ROBO2: variants seen among roughly 807,000 people sequenced by gnomAD.
The protein encoded by ROBO2 is roundabout guidance receptor 2, also known as roundabout homolog 2.
In ROBO2, 53 loss-of-function variants were observed where a neutral mutation model predicts 160.8. The observed-to-expected ratio is 0.33, with a 90% CI of 0.26 to 0.41. The LOEUF (loss-of-function observed/expected upper bound fraction) is 0.41, where lower values mean the gene tolerates loss of function less well. ROBO2 is among the 10% of genes least tolerant of loss of function. The pLI, the probability that ROBO2 is intolerant of heterozygous loss-of-function variation, is 1.00. For missense variants in ROBO2, 1,577 were observed against 1,722.4 expected (o/e 0.92, Z 1.49); for synonymous variants, 664 against 611.7 (o/e 1.09, Z -1.26).
At chr3:76,249,394 G>A (rs1705841556) in intron 2 of ROBO2, among the ~76,000 whole-genome samples, 1 of 152,072 alleles carries the variant, frequency 6.6e-6, no homozygotes, top group African/African-American at 2.4e-5. Flanking sequence ...GCAAAGTAAA[G>A]ATTTTAAATA....
At chr3:77,298,064 CAAT>C (rs1281126213) in intron 2 of ROBO2, among the ~76,000 whole-genome samples, 1 of 152,114 alleles carries the variant, frequency 6.6e-6, no homozygotes, top group African/African-American at 2.4e-5. Flanking sequence ...CCTCAGCCAA[CAAT>C]GAGTGTCATT....
At chr3:77,326,922 A>G (rs1254121931) in intron 2 of ROBO2, among the ~76,000 whole-genome samples, 1 of 152,214 alleles carries the variant, frequency 6.6e-6, no homozygotes, top group African/African-American at 2.4e-5. Context: ...TTCTGCTTTA[A>G]TAACACTTTA....
At chr3:76,140,306 C>G (rs1163456121) in intron 2 of ROBO2, among the ~76,000 whole-genome samples, 1 of 151,858 alleles carries the variant, frequency 6.6e-6, no homozygotes, top group Non-Finnish European at 1.5e-5. Context: ...ATAATATTGT[C>G]TAAAATCAAC....
intron 2 of ROBO2, among the ~76,000 whole-genome samples, chr3:76,264,551 CT>C (rs1706980520): frequency 6.6e-6 from 1 of 152,094 alleles, no homozygotes; most frequent in Admixed American, 6.6e-5. Flanking sequence ...TGCAGTTAGA[CT>C]TTTTGTCTAA....
At chr3:77,062,543 C>T (rs1361341830) in intron 1 of ROBO2, among the ~76,000 whole-genome samples, 1 of 152,100 alleles carries the variant, frequency 6.6e-6, no homozygotes, top group Non-Finnish European at 1.5e-5. Flanking sequence ...GGTACTTATT[C>T]CTGTTTACTT....
chr3:77,583,424 A>G (rs1031488167), intron 16 of ROBO2, among the ~76,000 whole-genome samples: 1 of 151,900 alleles, frequency 6.6e-6, no homozygotes, highest in African/African-American at 2.4e-5. Context: ...GCATATCCCA[A>G]TACCTGTTAT....
chr3:76,576,705 T>TC (rs1329468677), intron 2 of ROBO2, among the ~76,000 whole-genome samples: 6 of 137,640 alleles, frequency 4.4e-5, no homozygotes, highest in African/African-American at 1.7e-4. Flanking sequence ...TTCTTTCTTT[T>TC]TTTTTTTTTT....
At chr3:76,427,129 A>T (rs2076251825) in intron 2 of ROBO2, among the ~76,000 whole-genome samples, 1 of 152,128 alleles carries the variant, frequency 6.6e-6, no homozygotes, top group African/African-American at 2.4e-5. Flanking sequence ...TATAATACAA[A>T]TGCCCTTCAC....
At chr3:76,626,673 T>C (rs569000690) in intron 2 of ROBO2, among the ~76,000 whole-genome samples, 4 of 152,258 alleles carry the variant, frequency 2.6e-5, no homozygotes, top group Middle Eastern at 3.4e-3. Context: ...TCTTAACTTA[T>C]TGTCATTTAG....
intron 2 of ROBO2, among the ~76,000 whole-genome samples, chr3:76,222,901 C>T (rs780221346): frequency 1.6e-4 from 25 of 151,966 alleles, no homozygotes; most frequent in Non-Finnish European, 3.5e-4. Context: ...ACTGCAGGCA[C>T]CTGCCACCAT....
chr3:76,998,869 A>C (rs2061180398), intron 2 of ROBO2, among the ~76,000 whole-genome samples: 1 of 152,148 alleles, frequency 6.6e-6, no homozygotes, highest in South Asian at 2.1e-4. Flanking sequence ...CATAGGAAAC[A>C]TTTTTATTTG....
At chr3:76,184,403 A>C (rs1701646203) in intron 2 of ROBO2, among the ~76,000 whole-genome samples, 1 of 152,114 alleles carries the variant, frequency 6.6e-6, no homozygotes, top group African/African-American at 2.4e-5. Flanking sequence ...GCATATCAGC[A>C]CAAAGCAAGT....
At chr3:76,895,067 C>A (rs2074663270) in intron 2 of ROBO2, among the ~76,000 whole-genome samples, 1 of 152,010 alleles carries the variant, frequency 6.6e-6, no homozygotes, top group Non-Finnish European at 1.5e-5. Context: ...TTGAGATATT[C>A]CTGACTGGAG....
chr3:77,493,498 T>A (rs894566721), intron 5 of ROBO2, 116 bp downstream of exon 5: 2 of 1,176,686 alleles, frequency 1.7e-6, no homozygotes, highest in Admixed American at 1.9e-5. Flanking sequence ...CTTTCACTCA[T>A]GTGATTTTTA....
chr3:76,511,022 G>A (rs2081059102), intron 2 of ROBO2, among the ~76,000 whole-genome samples: 1 of 152,182 alleles, frequency 6.6e-6, no homozygotes, highest in South Asian at 2.1e-4. Context: ...AATCGGCAAA[G>A]TATTGACAAG....
In ROBO2 at chr3:77,346,386, T is replaced by C. The variant is rs114834222; in HGVS notation, c.389-131028T>C. ...ATGGCATATCAACCTTCTCCCTGGG[T>C]CCAGTTTTATTACTCCTCATTCTAC... On this transcript the variant is annotated intron_variant, in intron 2 of 25. Transcript: ENST00000461745. 4.9e-3 allele frequency among the ~76,000 whole-genome samples: 751 copies of C among 152,240 alleles called. 8 individuals carry two copies. The highest frequency in any genetic ancestry group is 0.017 in the African/African-American group (710 of 41,566).
intron 2 of ROBO2, among the ~76,000 whole-genome samples, chr3:77,130,290 G>C (rs905698099): frequency 6.6e-6 from 1 of 152,102 alleles, no homozygotes; most frequent in Non-Finnish European, 1.5e-5. Flanking sequence ...AGCAGTTCCT[G>C]GGCCAAATGC....
At chr3:76,467,298 C>A (rs192891152) in intron 2 of ROBO2, among the ~76,000 whole-genome samples, 113 of 152,126 alleles carry the variant, frequency 7.4e-4, no homozygotes, top group Non-Finnish European at 1.5e-3. Flanking sequence ...TTAAAAAACT[C>A]ATGGTTACTG....
At chr3:76,886,397 TAA>T (rs113249255) in intron 2 of ROBO2, among the ~76,000 whole-genome samples, 1 of 145,738 alleles carries the variant, frequency 6.9e-6, no homozygotes, top group African/African-American at 2.5e-5. Flanking sequence ...CCTTTTAACT[TAA>T]AAAAAAAAAC....
Sources: allele counts gnomAD v4.1 joint callset (sites outside exome capture counted in the v4.1 genomes callset), GRCh38; gene constraint gnomAD v4.1.1; transcripts MANE v1.5; gene names NCBI Gene and HGNC (gene_info 2026-07-23, HGNC 2026-07-21).